Variants in KRIT1 observed in about 807,000 individuals in gnomAD.
KRIT1 encodes the protein krev interaction trapped protein 1.
A neutral mutation model predicts 95.8 loss-of-function variants in KRIT1; 45 were observed. The observed-to-expected ratio is 0.47, with a 90% CI of 0.37 to 0.60. The LOEUF (loss-of-function observed/expected upper bound fraction) is 0.60. Ranked by LOEUF, KRIT1 falls within the 20% of genes least tolerant of loss-of-function variation. The probability of loss-of-function intolerance (pLI) is 0.00; values close to 1 mark genes in which losing one functional copy is unlikely to be tolerated. For synonymous variants in KRIT1, 282 were observed against 278.8 expected (o/e 1.01, Z -0.11); for missense variants, 788 against 877.5 (o/e 0.90, Z 1.29).
chr7:92,226,240 T>G (rs2131519622), intron 11 of KRIT1, among the ~76,000 whole-genome samples: 1 of 152,240 alleles, frequency 6.6e-6, no homozygotes, highest in East Asian at 1.9e-4. Context: ...GTGATATAAA[T>G]GTACTTAATG....
intron 17 of KRIT1, among the ~76,000 whole-genome samples, chr7:92,210,179 T>TA (rs373241584): frequency 3.8e-4 from 57 of 150,862 alleles, no homozygotes; most frequent in South Asian, 1.3e-3. Context: ...TTTACAGAAA[T>TA]AAAAAAAAAT....
Position 92,222,853 on chromosome 7 carries a change from A to G in KRIT1, c.1380T>C (p.Tyr460=). The G allele has an allele frequency of 1.9e-6, 3 of 1,608,356 alleles. No homozygotes were observed. The highest frequency in any genetic ancestry group is 2.2e-5 in the East Asian group (1 of 44,812). Residue 460 remains tyrosine (Y), a synonymous_variant, in exon 13 of 19, where the codon TAT becomes TAC. Coordinates refer to ENST00000394505, the MANE Select transcript of KRIT1 (RefSeq NM_194454.3). ...TTTCTGAACAAATCCATATAGTGAA[A>G]TATTGCTGAGTTTCTTGAGAGAGAC... ...GMRLSQETQQ[Y]FTIWICSENL...
intron 1 of KRIT1, 47 bp from the exon 2 acceptor site, chr7:92,245,218 G>A (rs1355008368): frequency 1.3e-5 from 2 of 151,850 alleles, no homozygotes; most frequent in Admixed American, 6.6e-5. Flanking sequence ...AGTTACAGGG[G>A]GAGAAGTGAG....
At chr7:92,216,828 T>C (rs1794097034) in intron 14 of KRIT1, among the ~76,000 whole-genome samples, 1 of 152,196 alleles carries the variant, frequency 6.6e-6, no homozygotes, top group African/African-American at 2.4e-5. Context: ...ACATCGTATA[T>C]TTGAAGAATA....
chr7:92,232,515 G>GA (rs202080349), intron 10 of KRIT1, among the ~76,000 whole-genome samples: 2,278 of 129,490 alleles, frequency 0.018, 51 homozygotes, highest in African/African-American at 0.055. Context: ...ATTAGAGGGG[G>GA]AAAAAAAAAA....
At chr7:92,236,597 G>A in intron 6 of KRIT1, 55 bp from the exon 7 acceptor site, 2 of 1,118,150 alleles carry the variant, frequency 1.8e-6, no homozygotes, top group Admixed American at 1.7e-5. Flanking sequence ...ACATCTGCAT[G>A]TTTTCATCTA....
chr7:92,233,811 A>C (rs2131632507), intron 10 of KRIT1, among the ~76,000 whole-genome samples: 1 of 152,308 alleles, frequency 6.6e-6, no homozygotes, highest in Non-Finnish European at 1.5e-5. Context: ...CTAGAAGATG[A>C]CTTATAGTAA....
At chr7:92,243,780 T>C (rs977031331) in intron 3 of KRIT1, among the ~76,000 whole-genome samples, 1 of 152,024 alleles carries the variant, frequency 6.6e-6, no homozygotes, top group African/African-American at 2.4e-5. Context: ...ATAAAATAAT[T>C]TAAATACTTT....
At chr7:92,228,917 T>G (rs1229606938) in intron 10 of KRIT1, among the ~76,000 whole-genome samples, 1 of 152,160 alleles carries the variant, frequency 6.6e-6, no homozygotes, top group African/African-American at 2.4e-5. Context: ...GACAAGATCT[T>G]GTTCTTTTTT....
chr7:92,242,339 T>C (rs1799868130), intron 3 of KRIT1, among the ~76,000 whole-genome samples: 1 of 152,230 alleles, frequency 6.6e-6, no homozygotes, highest in Admixed American at 6.5e-5. Context: ...ACTGCATCTT[T>C]ACTGTTCAAC....
At chr7:92,240,554 T>C (rs1799396927) in intron 5 of KRIT1, among the ~76,000 whole-genome samples, 1 of 152,170 alleles carries the variant, frequency 6.6e-6, no homozygotes. Flanking sequence ...GGGTTAATAC[T>C]TCCACAATTC....
chr7:92,234,881 G>C lies in KRIT1; in HGVS notation c.772C>G (p.Pro258Ala). 1 of 1,605,232 alleles carries C rather than the reference G, an allele frequency of 6.2e-7. No individual in the cohort carries two copies. Among genetic ancestry groups the C allele is most frequent in the Middle Eastern group, 1.7e-4 (1 of 6,048 alleles). Reference sequence around the variant, plus strand: ...GGTATTTGGATTTTTGAGTAGTCTGGAGCTCCTAGACCAAAGTATGGATTT... The same window carrying C: ...GGTATTTGGATTTTTGAGTAGTCTGCAGCTCCTAGACCAAAGTATGGATTT... ...VINPYFGLGA[P>A]DYSKIQIPKQ... Residue 258 changes from proline (P) to alanine (A), a missense_variant, in exon 9 of 19, where the codon CCA becomes GCA. Transcript: ENST00000394505.
intron 17 of KRIT1, among the ~76,000 whole-genome samples, chr7:92,203,174 C>T (rs1790606385): frequency 6.6e-6 from 1 of 152,218 alleles, no homozygotes; most frequent in Non-Finnish European, 1.5e-5. Flanking sequence ...TTTCCTATCT[C>T]TGACACTAAT....
In KRIT1 at chr7:92,234,493, G is replaced by A; in HGVS notation, c.945C>T (p.Asn315=). 6.2e-7 allele frequency: 1 copy of A among 1,610,694 alleles called. No individual in the cohort carries two copies. The highest frequency in any genetic ancestry group is 8.5e-7 in the Non-Finnish European group (1 of 1,176,814). ...SRLLSERFSV[N]QLDSDHWAPI... is the part of the protein sequence containing the mutation. ...GTGCCCAGTGGTCACTATCTAACTG[G>A]TTGACTGAAAATCTTTCACTGAGAA... Residue 315 remains asparagine (N), a synonymous_variant, in exon 10 of 19, where the codon AAC becomes AAT. Transcript: ENST00000394505.
rs1800891884 is a variant in KRIT1, at chr7:92,245,887, C to T, written c.-518G>A. Reference sequence around the variant, plus strand: ...GGTCCCAGGTCTTCAAAGGCCTTAGCTTTCCACCCCGCCGTTACCGTGGCT... The same window carrying T: ...GGTCCCAGGTCTTCAAAGGCCTTAGTTTTCCACCCCGCCGTTACCGTGGCT... On this transcript the variant is annotated 5_prime_UTR_variant, in exon 1 of 19. Transcript: ENST00000394505. 4.3e-6 allele frequency: 1 copy of T among 233,476 alleles called. No individual in the cohort carries two copies. Among genetic ancestry groups the T allele is most frequent in the Admixed American group, 6.3e-5 (1 of 15,800 alleles). The allele number at this position is 233,476 out of a possible 1,614,324, so 14.5% of individuals were successfully genotyped here.
chr7:92,235,415 C>T lies in KRIT1; in HGVS notation c.717G>A (p.Gln239=). ...ATTCAACTCTTACCCGATTTGTATA[C>T]TGAAGATCTGATCCAAACAAAGGGT... ...IYNPLFGSDL[Q]YTNRVDKVVI... is the part of the protein sequence containing the mutation. The change falls in exon 8 of 19, where the codon CAG becomes CAA. Residue 239 remains glutamine (Q), a synonymous_variant. Coordinates refer to ENST00000394505, the MANE Select transcript of KRIT1 (RefSeq NM_194454.3). 6.2e-7 allele frequency: 1 copy of T among 1,613,778 alleles called. No homozygotes were observed. Among genetic ancestry groups the T allele is most frequent in the Non-Finnish European group, 8.5e-7 (1 of 1,179,736 alleles).
In KRIT1 at chr7:92,239,685, T is replaced by G. The variant is rs550576307; in HGVS notation, c.262+1308A>C. ...TTCTCTTTGTGAGACTCGGAGTGTT[T>G]ATCACAGATCATATGCAGGAACTTT... is the stretch of plus-strand genomic sequence containing the variant. On this transcript the variant is annotated intron_variant, in intron 5 of 18. Transcript: ENST00000394505. Among the ~76,000 whole-genome samples, 6 of 152,120 alleles carry G rather than the reference T, an allele frequency of 3.9e-5. No individual in the cohort carries two copies. In the South Asian group the frequency reaches 1.2e-3, roughly 32 times the overall value.
chr7:92,215,310 T>C (rs1383575759), intron 14 of KRIT1, among the ~76,000 whole-genome samples: 1 of 152,192 alleles, frequency 6.6e-6, no homozygotes, highest in Non-Finnish European at 1.5e-5. Flanking sequence ...CTATTAACTA[T>C]GCTTCATACA....
chr7:92,228,587 C>CT (rs1267785264), intron 10 of KRIT1, among the ~76,000 whole-genome samples: 2 of 152,066 alleles, frequency 1.3e-5, no homozygotes, highest in Non-Finnish European at 2.9e-5. Flanking sequence ...TTTTGCTATT[C>CT]TTTTTTTAAC....
Sources: gnomAD v4.1 joint callset for allele counts (sites outside exome capture counted in the v4.1 genomes callset) on GRCh38, gnomAD v4.1.1 for gene constraint, MANE v1.5 for transcripts, NCBI Gene and HGNC (gene_info 2026-07-23, HGNC 2026-07-21) for gene names.